TMCC1: variants seen among roughly 807,000 people sequenced by gnomAD.
The protein encoded by TMCC1 is transmembrane and coiled-coil domains protein 1.
Under a neutral mutation model 52.4 loss-of-function variants are expected in TMCC1, and 15 were observed. The ratio of observed to expected loss-of-function variants is 0.29; its 90% confidence interval spans 0.19 to 0.44. The LOEUF (loss-of-function observed/expected upper bound fraction) is 0.44, where lower values mean the gene tolerates loss of function less well. Ranked by LOEUF, TMCC1 falls within the 20% of genes least tolerant of loss-of-function variation. The probability of loss-of-function intolerance (pLI) is 1.00; values close to 1 mark genes in which losing one functional copy is unlikely to be tolerated. For synonymous variants in TMCC1, 279 were observed against 301.9 expected (o/e 0.92, Z 0.79); for missense variants, 503 against 806.0 (o/e 0.62, Z 4.55).
chr3:129,740,904 A>G (rs2051399356), intron 4 of TMCC1, among the ~76,000 whole-genome samples: 1 of 152,220 alleles, frequency 6.6e-6, no homozygotes, highest in African/African-American at 2.4e-5. Flanking sequence ...TCTGGTACTT[A>G]TAAGTTAATC....
chr3:129,826,140 T>A (rs1366827331), intron 4 of TMCC1, among the ~76,000 whole-genome samples: 1 of 152,190 alleles, frequency 6.6e-6, no homozygotes, highest in African/African-American at 2.4e-5. Context: ...GGTACATAGC[T>A]GCACTGTCAA....
At chr3:129,892,309 A>C (rs77979632) in intron 1 of TMCC1, among the ~76,000 whole-genome samples, 1 of 152,174 alleles carries the variant, frequency 6.6e-6, no homozygotes, top group African/African-American at 2.4e-5. Flanking sequence ...GGGTGATTGC[A>C]AAAAAATACA....
intron 4 of TMCC1, among the ~76,000 whole-genome samples, chr3:129,799,690 T>G (rs866289666): frequency 3.9e-5 from 6 of 152,012 alleles, no homozygotes; most frequent in African/African-American, 1.4e-4. Context: ...TGGGCACCTG[T>G]GGTCCCAGCT....
rs1364511451 is a variant in TMCC1 at position 129,650,628 on chromosome 3, T to A, written c.*853A>T. The stretch of plus-strand genomic sequence containing the variant: ...CCCAACCCTGTCCAAAAAAACCCAA[T>A]AATAATAATAACAATAATAAAAAAT... On this transcript the variant is annotated 3_prime_UTR_variant, in exon 7 of 7. Transcript: ENST00000393238. The A allele has an allele frequency of 4.6e-5, 7 of 152,408 alleles. No individual in the cohort carries two copies. The highest frequency in any genetic ancestry group is 3.9e-4 in the Admixed American group (6 of 15,262). 9.4% of individuals were successfully genotyped at this position (152,408 alleles called of 1,614,324 possible). A position where few individuals can be genotyped will look rare whatever the true frequency, so the allele number is the denominator to read the frequency against.
chr3:129,718,033 T>C (rs1371587389), intron 4 of TMCC1, among the ~76,000 whole-genome samples: 3 of 151,656 alleles, frequency 2.0e-5, no homozygotes, highest in Non-Finnish European at 4.4e-5. Flanking sequence ...ATTTTGGAGA[T>C]TTGAAACAAT....
intron 4 of TMCC1, among the ~76,000 whole-genome samples, chr3:129,784,627 G>A (rs900134308): frequency 6.6e-6 from 1 of 151,352 alleles, no homozygotes; most frequent in Non-Finnish European, 1.5e-5. Context: ...ATGGTGGGGG[G>A]TGGGGAGAAG....
chr3:129,689,884 T>G (rs1185153056), intron 4 of TMCC1, among the ~76,000 whole-genome samples: 1 of 152,196 alleles, frequency 6.6e-6, no homozygotes, highest in Non-Finnish European at 1.5e-5. Flanking sequence ...ACTTAAAAAT[T>G]AGGTGGTAAG....
At chr3:129,759,340 T>C (rs1380366163) in intron 4 of TMCC1, among the ~76,000 whole-genome samples, 1 of 151,040 alleles carries the variant, frequency 6.6e-6, no homozygotes, top group Non-Finnish European at 1.5e-5. Flanking sequence ...CAATCTCGGC[T>C]CACTGCAACC....
rs1326772000 is a variant in TMCC1 at position 129,795,521 on chromosome 3, A to T, written c.576+32282T>A. ...TGAGCAAAGTTATGTCATATGCTAC[A>T]TTTAAAGCCTTTGTTGGAATGAACC... On this transcript the variant is annotated intron_variant, in intron 4 of 6. Transcript: ENST00000393238. Among the ~76,000 whole-genome samples the T allele has an allele frequency of 3.9e-5, 6 of 152,186 alleles. No homozygotes were observed. In the East Asian group the frequency reaches 1.2e-3, roughly 29 times the overall value.
intron 2 of TMCC1, among the ~76,000 whole-genome samples, chr3:129,838,526 G>T (rs772853198): frequency 6.6e-6 from 1 of 151,972 alleles, no homozygotes; most frequent in Non-Finnish European, 1.5e-5. Context: ...AGGCCGAGAC[G>T]GGCAGATCAC....
At chr3:129,707,099 C>T (rs1576521666) in intron 4 of TMCC1, among the ~76,000 whole-genome samples, 1 of 152,064 alleles carries the variant, frequency 6.6e-6, no homozygotes. Flanking sequence ...GAGAAAATAC[C>T]CCTCATATAC....
At chr3:129,710,965 G>C (rs1387809955) in intron 4 of TMCC1, among the ~76,000 whole-genome samples, 2 of 152,220 alleles carry the variant, frequency 1.3e-5, no homozygotes, top group Non-Finnish European at 2.9e-5. Flanking sequence ...CCCAGTTCAA[G>C]CGATTCTCCT....
intron 4 of TMCC1, among the ~76,000 whole-genome samples, chr3:129,673,447 AT>A (rs2088137637): frequency 6.6e-6 from 1 of 152,250 alleles, no homozygotes; most frequent in Non-Finnish European, 1.5e-5. Context: ...GAAAGCAAAT[AT>A]AAGAATGTCA....
intron 4 of TMCC1, among the ~76,000 whole-genome samples, chr3:129,783,322 G>A (rs2107730223): frequency 6.6e-6 from 1 of 152,268 alleles, no homozygotes; most frequent in African/African-American, 2.4e-5. Flanking sequence ...TGTTTATGCA[G>A]GAGTCTAAAT....
At chr3:129,757,254 A>G (rs551069846) in intron 4 of TMCC1, among the ~76,000 whole-genome samples, 2 of 152,276 alleles carry the variant, frequency 1.3e-5, no homozygotes, top group South Asian at 2.1e-4. Flanking sequence ...ACAGTCCCAC[A>G]GGTCCTTCCT....
At chr3:129,789,846 G>A (rs1645975303) in intron 4 of TMCC1, among the ~76,000 whole-genome samples, 2 of 152,064 alleles carry the variant, frequency 1.3e-5, no homozygotes, top group Admixed American at 6.6e-5. Flanking sequence ...TATGAGATGT[G>A]GAAATGGCAA....
Position 129,828,433 on chromosome 3 carries a change from A to G in TMCC1, c.-55T>C, listed in dbSNP as rs768655115. The G allele has an allele frequency of 1.4e-5, 21 of 1,535,584 alleles. No homozygotes were observed. The highest frequency in any genetic ancestry group is 1.9e-5 in the Non-Finnish European group (21 of 1,132,376). On this transcript the variant is annotated 5_prime_UTR_variant, in exon 4 of 7. Transcript: ENST00000393238. The surrounding 1 kb of genome is among the most constrained non-coding windows in gnomAD (Gnocchi z 4.1). The stretch of plus-strand genomic sequence containing the variant: ...TCAAAAAAATTTTTTAAACACACCA[A>G]GAGTGTCAAATTAGGTAGGCATTTG...
chr3:129,689,734 C>A (rs1255036392), intron 4 of TMCC1, among the ~76,000 whole-genome samples: 1 of 152,182 alleles, frequency 6.6e-6, no homozygotes, highest in Non-Finnish European at 1.5e-5. Flanking sequence ...TCCAAAGCAC[C>A]TTGAATGAAT....
chr3:129,855,607 G>C (rs2060116563), intron 2 of TMCC1, among the ~76,000 whole-genome samples: 1 of 152,080 alleles, frequency 6.6e-6, no homozygotes, highest in Non-Finnish European at 1.5e-5. Context: ...ATTCTGGCAA[G>C]GTCAACTCTC....
Sources: gnomAD v4.1 joint callset for allele counts (sites outside exome capture counted in the v4.1 genomes callset) on GRCh38, gnomAD v4.1.1 for gene constraint, Gnocchi (gnomAD v3.1) non-coding constraint, MANE v1.5 for transcripts, NCBI Gene and HGNC (gene_info 2026-07-23, HGNC 2026-07-21) for gene names.